The following TAP2 variants were observed in gnomAD, a reference collection of about 807,000 sequenced individuals.
TAP2 encodes the protein transporter 2, ATP binding cassette subfamily B member.
Under a neutral mutation model 74.7 loss-of-function variants are expected in TAP2, and 49 were observed. That is an observed-to-expected ratio of 0.66 (90% CI 0.52 to 0.83). The LOEUF is 0.83. TAP2 is among the 40% of genes least tolerant of loss of function. TAP2 has a pLI of 0.00. For missense variants in TAP2, 739 were observed against 859.0 expected, an observed-to-expected ratio of 0.86 and a Z score of 1.75; for synonymous variants, 306 against 368.4, an observed-to-expected ratio of 0.83 and a Z score of 1.94.
Position 32,837,913 on chromosome 6 carries a change from C to A in TAP2, c.321G>T (p.Gly107=). The A allele has an allele frequency of 1.2e-6, 2 of 1,613,024 alleles. No homozygotes were observed. The highest frequency in any genetic ancestry group is 2.2e-5 in the South Asian group (2 of 91,080). ...APWSWLLVGY[G]AAGLSWSLWA... ...ACAGTGACCAGCTGAGCCCCGCAGCCCCGTACCCCACCAGCAGCCAGCTCC... is the reference window on the plus strand; with the variant it reads ...ACAGTGACCAGCTGAGCCCCGCAGCACCGTACCCCACCAGCAGCCAGCTCC... Residue 107 remains glycine (G), a synonymous_variant, in exon 2 of 12, where the codon GGG becomes GGT. Coordinates refer to ENST00000374897, the MANE Select transcript of TAP2 (RefSeq NM_001290043.2).
Position 32,837,639 on chromosome 6 carries a change from A to G in TAP2, c.506T>C (p.Ile169Thr). 2 of 1,614,112 alleles carry G rather than the reference A, an allele frequency of 1.2e-6. No homozygotes were observed. Among genetic ancestry groups the G allele is most frequent in the South Asian group, 2.2e-5 (2 of 91,084 alleles). Residue 169 changes from isoleucine to threonine, a missense_variant, in exon 3 of 12, where the codon ATC (isoleucine) becomes ACC (threonine). Physicochemically the swap from Ile to Thr is moderately conservative, Grantham distance 89. Transcript: ENST00000374897. ...AATCACACGACCAGAATAGTGAGGGATTAATGTCTCACCTGAAAGAGGCAT... is the reference window on the plus strand; with the variant it reads ...AATCACACGACCAGAATAGTGAGGGGTTAATGTCTCACCTGAAAGAGGCAT... The part of the protein sequence containing the change: ...LVLAVLGETL[I>T]PHYSGRVIDI...
In TAP2 at chr6:32,827,546, G is replaced by A. The variant is rs1768738530; in HGVS notation, c.*1360C>T. On this transcript the variant is annotated 3_prime_UTR_variant, in exon 12 of 12. Coordinates refer to ENST00000374897, the MANE Select transcript of TAP2 (RefSeq NM_001290043.2). ...CACATGGAGAGTTCCCCAGACTGAC[G>A]ACATAAGTAAGGCCTCCTGGAAGAC... 6.3e-6 allele frequency: 2 copies of A among 317,704 alleles called. No individual in the cohort carries two copies. The highest frequency in any genetic ancestry group is 4.5e-6 in the Non-Finnish European group (1 of 220,422). 19.7% of individuals were successfully genotyped at this position (317,704 alleles called of 1,614,324 possible).
At chr6:32,824,051 T>C (rs1385257017), downstream of TAP2, among the ~76,000 whole-genome samples, 13 of 152,306 alleles carry the variant, frequency 8.5e-5, no homozygotes, top group South Asian at 2.7e-3. Context: ...GAATATATTT[T>C]GATTCCTAGA....
downstream of TAP2, among the ~76,000 whole-genome samples, chr6:32,824,022 T>A (rs1768479912): frequency 6.6e-6 from 1 of 151,754 alleles, no homozygotes; most frequent in African/African-American, 2.4e-5. Flanking sequence ...ATACGAGCAC[T>A]TGATTTATTA....
At position 32,835,246 on chromosome 6, in the gene TAP2, T is replaced by C. The variant is rs761765914; in HGVS notation, c.853A>G (p.Met285Val). The C allele has an allele frequency of 1.9e-6, 3 of 1,612,964 alleles. No individual in the cohort carries two copies. The highest frequency in any genetic ancestry group is 1.3e-5 in the African/African-American group (1 of 74,912). ...LVKVVGLYGF[M>V]LSISPRLTLL... ...GTGAGTCGAGGCGATATGCTGAGCATGAAGCCATACAGCCCCACCACTTTC... is the reference window on the plus strand; with the variant it reads ...GTGAGTCGAGGCGATATGCTGAGCACGAAGCCATACAGCCCCACCACTTTC... Residue 285 changes from methionine (M) to valine (V), a missense_variant, in exon 5 of 12, where the codon ATG becomes GTG. Met to Val is a conservative substitution (Grantham distance 21). Coordinates refer to ENST00000374897, the MANE Select transcript of TAP2 (RefSeq NM_001290043.2). This position sits in a 1 kb window ranked among gnomAD's most constrained non-coding sequence, Gnocchi z 4.0.
At chr6:32,822,460 T>C (rs186320010), downstream of TAP2, 4 of 643,308 alleles carry the variant, frequency 6.2e-6, no homozygotes, top group Admixed American at 1.2e-4. Flanking sequence ...ATTTGTGCAT[T>C]GTCATAGTTT....
rs773348193 is a variant in TAP2, at chr6:32,830,777, G to A, written c.1302C>T (p.Leu434=). 11 of 1,612,390 alleles carry A rather than the reference G, an allele frequency of 6.8e-6. No individual in the cohort carries two copies. Among genetic ancestry groups the A allele is most frequent in the South Asian group, 1.1e-5 (1 of 90,924 alleles). Residue 434 remains leucine, a synonymous_variant, in exon 8 of 12, where the codon CTC becomes CTT. Transcript: ENST00000374897. ...CCTTCTCTGCAGCTCCCACGTTGCTGAGCATATCCCCATATATGTATACCA... is the reference window on the plus strand; with the variant it reads ...CCTTCTCTGCAGCTCCCACGTTGCTAAGCATATCCCCATATATGTATACCA... The part of the protein sequence containing the change: ...QTLVYIYGDM[L]SNVGAAEKVF...
rs1322324230 is a variant in TAP2, at chr6:32,832,773, G to T, written c.997C>A (p.Arg333=). The change falls in exon 6 of 12, where the codon CGG becomes AGG. Residue 333 remains arginine (R), a synonymous_variant. Transcript: ENST00000374897. The surrounding 1 kb of genome is among the most constrained non-coding windows in gnomAD (Gnocchi z 5.9). ...GTCTGCAGCCCTCCAACGGCTTCCC[G>T]CACCACCTGCCCCGCCCTGGCCACT... ...DAVARAGQVV[R]EAVGGLQTVR... The T allele has an allele frequency of 6.2e-7, 1 of 1,612,878 alleles. No individual in the cohort carries two copies. The highest frequency in any genetic ancestry group is 1.1e-5 in the South Asian group (1 of 91,072).
Position 32,832,458 on chromosome 6 carries a change from G to A in TAP2, c.1147C>T (p.Leu383=), listed in dbSNP as rs761704456. ...ATCAGCATCTGCACCCCCAAGTGCA[G>A]CACCTGGAAGAGGAGAAGAAAGAGA... is the stretch of plus-strand genomic sequence containing the variant. ...RALYLLVRRV[L]HLGVQMLMLS... Residue 383 remains leucine (L), a synonymous_variant, in exon 7 of 12, where the codon CTG becomes TTG. Coordinates refer to ENST00000374897, the MANE Select transcript of TAP2 (RefSeq NM_001290043.2). This position sits in a 1 kb window ranked among gnomAD's most constrained non-coding sequence, Gnocchi z 5.9. The A allele has an allele frequency of 5.6e-5, 90 of 1,612,300 alleles. No individual in the cohort carries two copies. The highest frequency in any genetic ancestry group is 7.0e-5 in the Non-Finnish European group (83 of 1,179,798).
chr6:32,834,807 C>A (rs1769304584), intron 5 of TAP2, among the ~76,000 whole-genome samples: 1 of 152,210 alleles, frequency 6.6e-6, no homozygotes, highest in Non-Finnish European at 1.5e-5. Flanking sequence ...CTCTAAGAAA[C>A]CATTTTTAAT....
intron 9 of TAP2, 47 bp downstream of exon 9, chr6:32,830,220 G>T: frequency 6.2e-7 from 1 of 1,612,814 alleles, no homozygotes; most frequent in Admixed American, 1.7e-5. Flanking sequence ...TCCTCTCTCT[G>T]TACATGCTCC....
At position 32,828,275 on chromosome 6, in the gene TAP2, A is replaced by C. The variant is rs1040357603; in HGVS notation, c.*631T>G. 1.0e-6 allele frequency: 1 copy of C among 985,072 alleles called. No individual in the cohort carries two copies. The highest frequency in any genetic ancestry group is 1.7e-5 in the African/African-American group (1 of 57,238). 61.0% of individuals were successfully genotyped at this position (985,072 alleles called of 1,614,324 possible). ...ACTCTATAAATGGTAGCTGTTACCAATGTCGCTATTAATACTGTTAATCAG... is the reference window on the plus strand; with the variant it reads ...ACTCTATAAATGGTAGCTGTTACCACTGTCGCTATTAATACTGTTAATCAG... On this transcript the variant is annotated 3_prime_UTR_variant, in exon 12 of 12. Coordinates refer to ENST00000374897, the MANE Select transcript of TAP2 (RefSeq NM_001290043.2).
chr6:32,837,757 A>C lies in TAP2; in HGVS notation c.477T>G (p.Leu159=). The change falls in exon 2 of 12, where the codon CTT becomes CTG. Residue 159 remains leucine, a synonymous_variant. Transcript: ENST00000374897. ...CTGACTCACCCAAAACAGCAAGGAC[A>C]AGGAAGAAGAAGGCGGCAACGAGGA... is the stretch of plus-strand genomic sequence containing the variant. The part of the protein sequence containing the change: ...LPLLVAAFFF[L]VLAVLGETLI... 1 of 1,614,188 alleles carries C rather than the reference A, an allele frequency of 6.2e-7. No individual in the cohort carries two copies. The highest frequency in any genetic ancestry group is 1.7e-5 in the Admixed American group (1 of 60,034).
At chr6:32,824,697 A>ATAT (rs1312738116), downstream of TAP2, among the ~76,000 whole-genome samples, 2 of 152,132 alleles carry the variant, frequency 1.3e-5, no homozygotes, top group Non-Finnish European at 2.9e-5. Context: ...AATTCTAATT[A>ATAT]TATTAGTTAA....
chr6:32,826,704 A>G lies in TAP2; in HGVS notation c.*2202T>C. The G allele has an allele frequency of 1.0e-6, 1 of 985,442 alleles. No individual in the cohort carries two copies. Among genetic ancestry groups the G allele is most frequent in the African/African-American group, 1.7e-5 (1 of 57,364 alleles). 61.0% of individuals were successfully genotyped at this position (985,442 alleles called of 1,614,324 possible). ...GATAAGTTTTCCACCCAGCTTTATC[A>G]TGATTAGCTGCGTGATTTCATGTCA... On this transcript the variant is annotated 3_prime_UTR_variant, in exon 12 of 12. Coordinates refer to ENST00000374897, the MANE Select transcript of TAP2 (RefSeq NM_001290043.2).
At chr6:32,836,354 G>GA (rs1349593389) in intron 3 of TAP2, among the ~76,000 whole-genome samples, 2 of 152,124 alleles carry the variant, frequency 1.3e-5, no homozygotes, top group Non-Finnish European at 2.9e-5. Context: ...ACACTTAGAG[G>GA]AAAAAATATA....
At chr6:32,824,582 T>C (rs1768515947), downstream of TAP2, among the ~76,000 whole-genome samples, 1 of 152,184 alleles carries the variant, frequency 6.6e-6, no homozygotes, top group Non-Finnish European at 1.5e-5. Flanking sequence ...GTATTTGCTA[T>C]GTCTTACTTT....
chr6:32,828,692 CCCCACCTCTCT>C lies in TAP2; in HGVS notation c.*203_*213del. On this transcript the variant is annotated 3_prime_UTR_variant, in exon 12 of 12. Coordinates refer to ENST00000374897, the MANE Select transcript of TAP2 (RefSeq NM_001290043.2). Reference sequence around the variant, plus strand: ...CACAGACAGCCCCCACCCCACCCCACCCCACCTCTCTACCCCACCAAAAGCACACAGTGTCC... The same window carrying C: ...CACAGACAGCCCCCACCCCACCCCACACCCCACCAAAAGCACACAGTGTCC... 1 of 1,011,706 alleles carries C rather than the reference CCCCACCTCTCT, an allele frequency of 9.9e-7. No homozygotes were observed. Among genetic ancestry groups the C allele is most frequent in the Non-Finnish European group, 1.2e-6 (1 of 843,720 alleles). 62.7% of individuals were successfully genotyped at this position (1,011,706 alleles called of 1,614,324 possible).
chr6:32,832,633 T>C lies in TAP2; in HGVS notation c.1137A>G (p.Val379=). 6 of 1,613,042 alleles carry C rather than the reference T, an allele frequency of 3.7e-6. No individual in the cohort carries two copies. Among genetic ancestry groups the C allele is most frequent in the Non-Finnish European group, 5.1e-6 (6 of 1,180,012 alleles). Residue 379 remains valine, a synonymous_variant, in exon 6 of 12, where the codon GTA becomes GTG. Coordinates refer to ENST00000374897, the MANE Select transcript of TAP2 (RefSeq NM_001290043.2). This position sits in a 1 kb window ranked among gnomAD's most constrained non-coding sequence, Gnocchi z 5.9. ...RDLERALYLL[V]RRVLHLGVQM... is the part of the protein sequence containing the mutation. ...AACCACTCTGGTATCTTACCCTCCT[T>C]ACGAGCAGGTACAAGGCGCGTTCCA...
Sources: allele counts gnomAD v4.1 joint callset (sites outside exome capture counted in the v4.1 genomes callset), GRCh38; gene constraint gnomAD v4.1.1; non-coding constraint Gnocchi (gnomAD v3.1); transcripts MANE v1.5; gene names NCBI Gene and HGNC (gene_info 2026-07-23, HGNC 2026-07-21).